Variants in SPRED1 observed in about 807,000 individuals in gnomAD.
SPRED1 encodes the protein sprouty-related, EVH1 domain-containing protein 1.
SPRED1 carries 18 observed loss-of-function variants against 52.3 expected under a neutral mutation model. The observed-to-expected ratio is 0.34, with a 90% confidence interval of 0.24 to 0.51. The LOEUF (loss-of-function observed/expected upper bound fraction) is 0.51. SPRED1 is among the 20% of genes least tolerant of loss of function. The pLI, the probability that SPRED1 is intolerant of heterozygous loss-of-function variation, is 0.97. For synonymous variants in SPRED1, 155 were observed against 179.7 expected (o/e 0.86, Z 1.10); for missense variants, 485 against 551.0 (o/e 0.88, Z 1.20).
intron 2 of SPRED1, among the ~76,000 whole-genome samples, chr15:38,299,777 G>T (rs1309611474): frequency 2.0e-5 from 3 of 151,704 alleles, no homozygotes; most frequent in African/African-American, 7.3e-5. Flanking sequence ...TACGCTTAAT[G>T]CAGGAGTTAA....
chr15:38,300,201 G>C lies in SPRED1; in HGVS notation c.207+654G>C, dbSNP rs558475831. ...AGTTTAACCTTTGATAATGTTATTT[G>C]CTCTTTTTTAATTAGTATGGAAAGC... is the stretch of plus-strand genomic sequence containing the variant. On this transcript the variant is annotated intron_variant, in intron 2 of 6. Transcript: ENST00000299084. Among the ~76,000 whole-genome samples, 4 of 151,930 alleles carry C rather than the reference G, an allele frequency of 2.6e-5. No homozygotes were observed. The South Asian group carries it at 8.3e-4, about 32-fold the overall frequency.
chr15:38,352,490 C>A lies in SPRED1; in HGVS notation c.*826C>A, dbSNP rs894527836. ...TAATTGTCTAATGTTCTGATGGGAA[C>A]GTAACACTTATTTTTATATAAAAAG... On this transcript the variant is annotated 3_prime_UTR_variant, in exon 7 of 7. Transcript: ENST00000299084. The A allele has an allele frequency of 6.6e-6, 1 of 152,082 alleles. No homozygotes were observed. Among genetic ancestry groups the A allele is most frequent in the African/African-American group, 2.4e-5 (1 of 41,286 alleles). The allele number at this position is 152,082 out of a possible 1,614,324, so 9.4% of individuals were successfully genotyped here.
intron 1 of SPRED1, among the ~76,000 whole-genome samples, chr15:38,262,389 G>A (rs1268551282): frequency 6.6e-6 from 1 of 152,164 alleles, no homozygotes; most frequent in African/African-American, 2.4e-5. Flanking sequence ...CCTGGGAGTT[G>A]GTGGCAGGAT....
At chr15:38,259,047 A>G (rs1320813892) in intron 1 of SPRED1, among the ~76,000 whole-genome samples, 1 of 152,148 alleles carries the variant, frequency 6.6e-6, no homozygotes, top group Non-Finnish European at 1.5e-5. Flanking sequence ...TAATTTTATT[A>G]TATTGTTATT....
chr15:38,299,537 G>A lies in SPRED1; in HGVS notation c.197G>A (p.Arg66Lys). ...ADFFIRGERL[R>K]DKMVVLECML... Reference sequence around the variant, plus strand: ...TTTTTTATCCGTGGAGAGCGACTCAGGGACAAAATGGTAATGAATAATGTA... The same window carrying A: ...TTTTTTATCCGTGGAGAGCGACTCAAGGACAAAATGGTAATGAATAATGTA... The change falls in exon 2 of 7, where the codon AGG (arginine) becomes AAG (lysine). Residue 66 changes from arginine (R) to lysine (K), a missense_variant. Physicochemically the swap from Arg to Lys is conservative, Grantham distance 26. Coordinates refer to ENST00000299084, the MANE Select transcript of SPRED1 (RefSeq NM_152594.3). 6.2e-7 allele frequency: 1 copy of A among 1,613,742 alleles called. No individual in the cohort carries two copies. Among genetic ancestry groups the A allele is most frequent in the Non-Finnish European group, 8.5e-7 (1 of 1,179,792 alleles).
At chr15:38,328,160 G>A (rs190892851) in intron 4 of SPRED1, among the ~76,000 whole-genome samples, 57 of 152,148 alleles carry the variant, frequency 3.7e-4, no homozygotes, top group Admixed American at 3.3e-3. Flanking sequence ...TGTTTATATC[G>A]GGTTTACTTC....
chr15:38,291,317 G>T (rs1894918460), intron 1 of SPRED1, among the ~76,000 whole-genome samples: 1 of 152,182 alleles, frequency 6.6e-6, no homozygotes, highest in Non-Finnish European at 1.5e-5. Flanking sequence ...CCTCCTCCTG[G>T]CTGCTTTCAC....
At chr15:38,253,248 C>T in intron 1 of SPRED1, 31 bp downstream of exon 1, 1 of 1,557,888 alleles carries the variant, frequency 6.4e-7, no homozygotes, top group African/African-American at 1.4e-5. Flanking sequence ...GATTGCTAAT[C>T]CCCCTCCCCC....
intron 2 of SPRED1, among the ~76,000 whole-genome samples, chr15:38,312,302 T>A (rs1895385693): frequency 6.6e-6 from 1 of 152,096 alleles, no homozygotes. Flanking sequence ...AGAAATCCAG[T>A]GAGAGAAAAG....
intron 1 of SPRED1, among the ~76,000 whole-genome samples, chr15:38,254,553 G>A (rs1039662576): frequency 6.6e-6 from 1 of 152,134 alleles, no homozygotes; most frequent in African/African-American, 2.4e-5. Flanking sequence ...CATCTTGAAA[G>A]GATTTCCCAA....
intron 3 of SPRED1, among the ~76,000 whole-genome samples, 166 bp downstream of exon 3, chr15:38,322,575 T>C (rs990690553): frequency 6.6e-6 from 1 of 152,196 alleles, no homozygotes; most frequent in Admixed American, 6.5e-5. Flanking sequence ...AAATAATAGA[T>C]TCCTTAACGT....
At chr15:38,289,144 G>T (rs1281161963) in intron 1 of SPRED1, among the ~76,000 whole-genome samples, 1 of 151,608 alleles carries the variant, frequency 6.6e-6, no homozygotes, top group African/African-American at 2.4e-5. Flanking sequence ...GATTATTAGT[G>T]TGGTCATTAT....
At chr15:38,316,690 C>T (rs1235275482) in intron 2 of SPRED1, among the ~76,000 whole-genome samples, 1 of 139,650 alleles carries the variant, frequency 7.2e-6, no homozygotes, top group Non-Finnish European at 1.5e-5. Context: ...TCAGTATAAA[C>T]ATTTAAGTGC....
In SPRED1 at chr15:38,285,483, T is replaced by A. The variant is rs180949995; in HGVS notation, c.33-13890T>A. The stretch of plus-strand genomic sequence containing the variant: ...GTGATGGAATCTGGCATACAGAATA[T>A]CTGGGAAGGGGTTTAGGTGGTGAGC... On this transcript the variant is annotated intron_variant, in intron 1 of 6. Coordinates refer to ENST00000299084, the MANE Select transcript of SPRED1 (RefSeq NM_152594.3). 1.4e-4 allele frequency among the ~76,000 whole-genome samples: 21 copies of A among 152,266 alleles called. No homozygotes were observed. The East Asian group carries it at 3.9e-3, about 28-fold the overall frequency.
At chr15:38,316,145 A>G (rs994206102) in intron 2 of SPRED1, among the ~76,000 whole-genome samples, 1 of 151,954 alleles carries the variant, frequency 6.6e-6, no homozygotes, top group Non-Finnish European at 1.5e-5. Context: ...ATAAAAATCA[A>G]TTTTTGTTAA....
intron 2 of SPRED1, among the ~76,000 whole-genome samples, chr15:38,319,958 A>G (rs1046437849): frequency 6.6e-6 from 1 of 152,236 alleles, no homozygotes; most frequent in African/African-American, 2.4e-5. Flanking sequence ...CATTGCATAT[A>G]GCATTGGGAA....
chr15:38,338,311 T>TTC (rs1555391953), intron 4 of SPRED1, among the ~76,000 whole-genome samples: 21 of 150,168 alleles, frequency 1.4e-4, no homozygotes, highest in African/African-American at 4.9e-4. Context: ...TTGTTTTTTT[T>TTC]CTCCCAGTAT....
chr15:38,336,439 A>ATTATATATGTTATATATATAATATT (rs1895922685), intron 4 of SPRED1, among the ~76,000 whole-genome samples: 5 of 33,424 alleles, frequency 1.5e-4, no homozygotes, highest in African/African-American at 2.8e-4. Flanking sequence ...TATATATAAT[A>ATTATATATGTTATATATATAATATT]TTATATATAT....
rs906934282 is a variant in SPRED1, at chr15:38,353,442, T to C, written c.*1778T>C. 1 of 152,536 alleles carries C rather than the reference T, an allele frequency of 6.6e-6. No individual in the cohort carries two copies. The highest frequency in any genetic ancestry group is 2.4e-5 in the African/African-American group (1 of 41,442). The allele number at this position is 152,536 out of a possible 1,614,324, so 9.4% of individuals were successfully genotyped here. A position where few individuals can be genotyped will look rare whatever the true frequency, so the allele number is the denominator to read the frequency against. The stretch of plus-strand genomic sequence containing the variant: ...ATTTCACATTGAAAAGAAGAAAATA[T>C]ATTGATAACTATAGATGTTATGAAG... On this transcript the variant is annotated 3_prime_UTR_variant, in exon 7 of 7. Coordinates refer to ENST00000299084, the MANE Select transcript of SPRED1 (RefSeq NM_152594.3).
Sources: gnomAD v4.1 joint callset for allele counts (sites outside exome capture counted in the v4.1 genomes callset) on GRCh38, gnomAD v4.1.1 for gene constraint, MANE v1.5 for transcripts, NCBI Gene and HGNC (gene_info 2026-07-23, HGNC 2026-07-21) for gene names.